KCNIP4: variants seen among roughly 807,000 people sequenced by gnomAD.
KCNIP4 encodes the protein Kv channel-interacting protein 4.
KCNIP4 carries 12 observed loss-of-function variants against 34.0 expected under a neutral mutation model. The observed-to-expected ratio is 0.35, with a 90% confidence interval of 0.23 to 0.57. The LOEUF (loss-of-function observed/expected upper bound fraction) is 0.57. Among genes scored for constraint, KCNIP4 ranks in the 20% least tolerant of loss-of-function variants. The pLI is 0.83. For missense variants in KCNIP4, 238 were observed against 311.7 expected (o/e 0.76, Z 1.78); for synonymous variants, 124 against 102.2 (o/e 1.21, Z -1.29).
At chr4:21,679,691 G>A (rs1031334992) in intron 1 of KCNIP4, among the ~76,000 whole-genome samples, 1 of 152,122 alleles carries the variant, frequency 6.6e-6, no homozygotes, top group Admixed American at 6.5e-5. Context: ...CAGAGATATT[G>A]CAGGTTCCAT....
At chr4:21,268,782 AAG>A (rs1424432394) in intron 1 of KCNIP4, among the ~76,000 whole-genome samples, 1 of 152,190 alleles carries the variant, frequency 6.6e-6, no homozygotes, top group Non-Finnish European at 1.5e-5. Flanking sequence ...GTGCTATGGG[AAG>A]ACACCCAAGA....
chr4:21,725,449 T>G (rs1715128285), intron 1 of KCNIP4, among the ~76,000 whole-genome samples: 1 of 152,168 alleles, frequency 6.6e-6, no homozygotes, highest in African/African-American at 2.4e-5. Flanking sequence ...GTAAGGCCAC[T>G]GCCAGTGGAT....
At chr4:21,563,617 T>G (rs1739624804) in intron 1 of KCNIP4, among the ~76,000 whole-genome samples, 2 of 152,120 alleles carry the variant, frequency 1.3e-5, no homozygotes. Flanking sequence ...ATATAGATAA[T>G]TTAGAAAAAG....
chr4:20,775,867 C>T (rs1052205736), intron 3 of KCNIP4, among the ~76,000 whole-genome samples: 3 of 152,140 alleles, frequency 2.0e-5, no homozygotes, highest in Non-Finnish European at 4.4e-5. Flanking sequence ...GAAAGACTCC[C>T]AGCTATTAGG....
chr4:21,739,787 G>A (rs567525230), intron 1 of KCNIP4, among the ~76,000 whole-genome samples: 74 of 152,080 alleles, frequency 4.9e-4, no homozygotes, highest in African/African-American at 1.6e-3. Context: ...TTATGTCACC[G>A]CCAATTTTCT....
chr4:21,731,392 C>T (rs766299426), intron 1 of KCNIP4, among the ~76,000 whole-genome samples: 16 of 152,018 alleles, frequency 1.1e-4, no homozygotes, highest in South Asian at 2.1e-4. Flanking sequence ...TGATAGAGGA[C>T]GGAAGGAGAG....
At chr4:21,234,894 C>T (rs1018126635) in intron 1 of KCNIP4, among the ~76,000 whole-genome samples, 11 of 151,974 alleles carry the variant, frequency 7.2e-5, no homozygotes, top group African/African-American at 1.4e-4. Context: ...GTGATCCACC[C>T]GCCTCGGCCT....
intron 1 of KCNIP4, among the ~76,000 whole-genome samples, chr4:21,783,946 T>C (rs1719736477): frequency 6.6e-6 from 1 of 152,122 alleles, no homozygotes; most frequent in Admixed American, 6.5e-5. Context: ...TGTAGAAATA[T>C]ATATTTAATC....
At chr4:21,127,684 GA>G (rs1476711240) in intron 1 of KCNIP4, among the ~76,000 whole-genome samples, 1 of 152,154 alleles carries the variant, frequency 6.6e-6, no homozygotes, top group East Asian at 1.9e-4. Flanking sequence ...AGAAACAAAT[GA>G]AACTCTCCAA....
chr4:21,909,773 G>A (rs1214338492), intron 1 of KCNIP4, among the ~76,000 whole-genome samples: 2 of 152,074 alleles, frequency 1.3e-5, no homozygotes, highest in Non-Finnish European at 2.9e-5. Flanking sequence ...CAATCATGGT[G>A]GAAGGCAAAA....
At chr4:21,292,871 G>GT (rs1279831400) in intron 1 of KCNIP4, among the ~76,000 whole-genome samples, 6 of 152,110 alleles carry the variant, frequency 3.9e-5, no homozygotes, top group Non-Finnish European at 7.3e-5. Context: ...GACCTCAGTG[G>GT]TTTTTTCCCT....
At chr4:20,980,235 G>T (rs534697590) in intron 1 of KCNIP4, among the ~76,000 whole-genome samples, 11 of 152,286 alleles carry the variant, frequency 7.2e-5, no homozygotes, top group African/African-American at 2.6e-4. Context: ...TGTTCATCTT[G>T]CACTTTCCCA....
At chr4:21,413,644 G>T in intron 1 of KCNIP4, among the ~76,000 whole-genome samples, 1 of 152,068 alleles carries the variant, frequency 6.6e-6, no homozygotes, top group East Asian at 1.9e-4. Context: ...GTAAGAACAG[G>T]AACTAGATCC....
chr4:20,757,064 T>A (rs1262291475), intron 4 of KCNIP4, among the ~76,000 whole-genome samples: 3 of 152,150 alleles, frequency 2.0e-5, no homozygotes, highest in Non-Finnish European at 4.4e-5. Context: ...GCACCTCAGA[T>A]GTAATTTGTC....
intron 1 of KCNIP4, among the ~76,000 whole-genome samples, chr4:21,077,590 ACT>A (rs1330377130): frequency 6.6e-6 from 1 of 152,084 alleles, no homozygotes; most frequent in African/African-American, 2.4e-5. Flanking sequence ...TAGCTATGTG[ACT>A]CTGAGTAAAT....
intron 1 of KCNIP4, among the ~76,000 whole-genome samples, chr4:20,926,828 T>G (rs1729946149): frequency 6.6e-6 from 1 of 152,212 alleles, no homozygotes; most frequent in African/African-American, 2.4e-5. Context: ...TGCTTTCAAC[T>G]TAGTTTCTCT....
intron 1 of KCNIP4, among the ~76,000 whole-genome samples, chr4:20,945,940 A>G (rs1262381507): frequency 6.6e-6 from 1 of 152,218 alleles, no homozygotes; most frequent in East Asian, 1.9e-4. Flanking sequence ...TTTAGTAGAC[A>G]AAGGGAATGA....
At chr4:20,848,301 G>A (rs1720613113) in intron 3 of KCNIP4, among the ~76,000 whole-genome samples, 1 of 151,830 alleles carries the variant, frequency 6.6e-6, no homozygotes, top group Non-Finnish European at 1.5e-5. Flanking sequence ...GGAAGAGGAG[G>A]ATGGGGAAGA....
chr4:21,677,875 A>C (rs1750029998), intron 1 of KCNIP4, among the ~76,000 whole-genome samples: 1 of 152,004 alleles, frequency 6.6e-6, no homozygotes, highest in South Asian at 2.1e-4. Context: ...TCAGCTTCCC[A>C]AGAAGCTGGG....
Sources: allele counts gnomAD v4.1 joint callset (sites outside exome capture counted in the v4.1 genomes callset), GRCh38; gene constraint gnomAD v4.1.1; transcripts MANE v1.5; gene names NCBI Gene and HGNC (gene_info 2026-07-23, HGNC 2026-07-21).